SLC5A4: variants seen among roughly 807,000 people sequenced by gnomAD.
The protein encoded by SLC5A4 is solute carrier family 5 member 4, also known as probable glucose sensor protein SLC5A4.
Under a neutral mutation model 70.3 loss-of-function variants are expected in SLC5A4, and 55 were observed. That is an observed-to-expected ratio of 0.78 (90% CI 0.63 to 0.98). SLC5A4 has a LOEUF of 0.98. Among genes scored for constraint, SLC5A4 ranks in the 50% least tolerant of loss-of-function variants. The probability of loss-of-function intolerance (pLI) is 0.00; values close to 1 mark genes in which losing one functional copy is unlikely to be tolerated. For synonymous variants in SLC5A4, 268 were observed against 305.7 expected, an observed-to-expected ratio of 0.88 and a Z score of 1.29; for missense variants, 735 against 839.2, an observed-to-expected ratio of 0.88 and a Z score of 1.53.
At chr22:32,310,292 C>G in the SLC5A4 span, among the ~76,000 whole-genome samples, 1 of 152,076 alleles carries the variant, frequency 6.6e-6, no homozygotes, top group Non-Finnish European at 1.5e-5. Context: ...TCCTTAAATA[C>G]CCATCTGACT....
chr22:32,325,074 G>C, the SLC5A4 span, among the ~76,000 whole-genome samples: 1 of 152,226 alleles, frequency 6.6e-6, no homozygotes, highest in African/African-American at 2.4e-5. Context: ...TCTGCAGGTC[G>C]CCTTGCCCCT....
At chr22:32,323,290 A>G in the SLC5A4 span, among the ~76,000 whole-genome samples, 1 of 152,108 alleles carries the variant, frequency 6.6e-6, no homozygotes, top group African/African-American at 2.4e-5. Context: ...GTTCCCTTTT[A>G]AAGACTCCAC....
the SLC5A4 span, among the ~76,000 whole-genome samples, chr22:32,329,128 CTTTTCTGCTT>C: frequency 6.6e-6 from 1 of 152,238 alleles, no homozygotes; most frequent in Non-Finnish European, 1.5e-5. Flanking sequence ...CTTTCATCCC[CTTTTCTGCTT>C]TTTTCTGCTT....
At chr22:32,302,573 A>G in the SLC5A4 span, among the ~76,000 whole-genome samples, 1 of 152,170 alleles carries the variant, frequency 6.6e-6, no homozygotes, top group Admixed American at 6.5e-5. Flanking sequence ...CATTTGTTGG[A>G]AAGCCTATCT....
At chr22:32,234,438 C>T (rs1403188309) in intron 8 of SLC5A4, among the ~76,000 whole-genome samples, 1 of 152,190 alleles carries the variant, frequency 6.6e-6, no homozygotes, top group East Asian at 1.9e-4. Context: ...GTGGCTCACC[C>T]CTGTAATCTC....
chr22:32,269,740 C>A, the SLC5A4 span: 1 of 636,212 alleles, frequency 1.6e-6, no homozygotes, highest in East Asian at 3.8e-5. The surrounding 1 kb of genome is among the most constrained non-coding windows in gnomAD (Gnocchi z 4.1). Flanking sequence ...GCAGCTTTCC[C>A]GCTGTGCACC....
the SLC5A4 span, among the ~76,000 whole-genome samples, chr22:32,273,805 A>G: frequency 7.2e-6 from 1 of 138,646 alleles, no homozygotes; most frequent in South Asian, 2.1e-4. Flanking sequence ...GCAAACAAAA[A>G]CAAACAAACA....
chr22:32,337,647 C>T, the SLC5A4 span, among the ~76,000 whole-genome samples: 1 of 152,242 alleles, frequency 6.6e-6, no homozygotes, highest in Non-Finnish European at 1.5e-5. Flanking sequence ...CATTTGAACA[C>T]TTATGCACAG....
the SLC5A4 span, among the ~76,000 whole-genome samples, chr22:32,297,768 C>T: frequency 4.1e-5 from 5 of 120,600 alleles, no homozygotes; most frequent in Non-Finnish European, 1.8e-5. Context: ...TTGGATCTTT[C>T]CTGCTGTCTC....
chr22:32,229,373 G>T, intron 10 of SLC5A4, 29 bp from the exon 11 acceptor site: 1 of 1,608,966 alleles, frequency 6.2e-7, no homozygotes, highest in Non-Finnish European at 8.5e-7. Context: ...ACAAGCACTG[G>T]TTAGTGGCTG....
chr22:32,271,881 A>G, the SLC5A4 span: 1 of 592,816 alleles, frequency 1.7e-6, no homozygotes, highest in South Asian at 1.5e-5. Flanking sequence ...GTGGCTTACC[A>G]TGTGGAGTCC....
At chr22:32,341,209 A>G in the SLC5A4 span, among the ~76,000 whole-genome samples, 4 of 151,780 alleles carry the variant, frequency 2.6e-5, no homozygotes, top group Non-Finnish European at 5.9e-5. Flanking sequence ...GGAGGTGGAC[A>G]GGATTGGAGC....
chr22:32,335,883 G>C, the SLC5A4 span, among the ~76,000 whole-genome samples: 1 of 152,322 alleles, frequency 6.6e-6, no homozygotes, highest in South Asian at 2.1e-4. Context: ...AGCAGGGAGC[G>C]AGCATCCTCC....
At chr22:32,227,628 A>G (rs895448879) in intron 11 of SLC5A4, among the ~76,000 whole-genome samples, 1 of 152,234 alleles carries the variant, frequency 6.6e-6, no homozygotes, top group Non-Finnish European at 1.5e-5. Flanking sequence ...TGTTGCAAAC[A>G]TAACATGAGC....
chr22:32,316,391 G>A, the SLC5A4 span, among the ~76,000 whole-genome samples: 43 of 152,208 alleles, frequency 2.8e-4, no homozygotes, highest in African/African-American at 9.9e-4. Flanking sequence ...GAAGGGCACT[G>A]TGTGAGGGTG....
upstream of SLC5A4, among the ~76,000 whole-genome samples, chr22:32,258,031 G>T (rs928762103): frequency 1.3e-5 from 2 of 151,862 alleles, no homozygotes; most frequent in African/African-American, 4.8e-5. Context: ...TGTTGCCCAG[G>T]CTGGAGGGTG....
the SLC5A4 span, among the ~76,000 whole-genome samples, chr22:32,265,349 T>C: frequency 8.5e-3 from 1,298 of 152,022 alleles, 16 homozygotes; most frequent in African/African-American, 0.029. Context: ...AATTGTACCA[T>C]TGCACTCCAG....
intron 5 of SLC5A4, among the ~76,000 whole-genome samples, chr22:32,246,473 C>T (rs1347386784): frequency 6.6e-6 from 1 of 152,098 alleles, no homozygotes; most frequent in Non-Finnish European, 1.5e-5. Flanking sequence ...GCTGAATCTT[C>T]ATATTCCTTC....
the SLC5A4 span, among the ~76,000 whole-genome samples, chr22:32,321,796 T>C: frequency 1.3e-5 from 2 of 152,180 alleles, no homozygotes; most frequent in Non-Finnish European, 2.9e-5. Flanking sequence ...AAGGACATGA[T>C]CTTGTTCTTT....
Sources: allele counts gnomAD v4.1 joint callset (sites outside exome capture counted in the v4.1 genomes callset), GRCh38; gene constraint gnomAD v4.1.1; non-coding constraint Gnocchi (gnomAD v3.1); transcripts MANE v1.5; gene names NCBI Gene and HGNC (gene_info 2026-07-23, HGNC 2026-07-21).